The following CUL1 variants were observed in gnomAD, a reference collection of about 807,000 sequenced individuals.
CUL1 encodes the protein cullin-1.
Under a neutral mutation model 118.0 loss-of-function variants are expected in CUL1, and 24 were observed. The observed-to-expected ratio is 0.20, with a 90% CI of 0.15 to 0.29. The LOEUF is 0.29. Among genes scored for constraint, CUL1 ranks in the 10% least tolerant of loss-of-function variants. CUL1 has a pLI of 1.00. For missense variants in CUL1, 361 were observed against 933.8 expected (o/e 0.39, Z 7.99); for synonymous variants, 332 against 340.4 (o/e 0.98, Z 0.27).
At chr7:148,700,124 G>T (rs1364580073) in intron 1 of CUL1, among the ~76,000 whole-genome samples, 3 of 152,182 alleles carry the variant, frequency 2.0e-5, no homozygotes, top group Non-Finnish European at 2.9e-5. Flanking sequence ...CGTAGTAGGG[G>T]TTAGTGGTAA....
intron 12 of CUL1, 117 bp downstream of exon 12, chr7:148,786,716 G>A: frequency 1.1e-6 from 1 of 945,488 alleles, no homozygotes; most frequent in Non-Finnish European, 1.6e-6. Context: ...ATTTTATTTT[G>A]AATCTCTGGT....
rs573390783 is a variant in CUL1 at position 148,767,475 on chromosome 7, A to G, written c.953-144A>G. 2.8e-4 allele frequency: 199 copies of G among 699,680 alleles called. 4 individuals are homozygous for G. The South Asian group carries it at 3.3e-3, about 12-fold the overall frequency. The allele number at this position is 699,680 out of a possible 1,614,324, so 43.3% of individuals were successfully genotyped here. ...TATACCAAATAGAGAATATTTGGTT[A>G]TAATTAAATGCTATTGATTATTAAA... On this transcript the variant is annotated intron_variant, in intron 8 of 21. Coordinates refer to ENST00000325222, the MANE Select transcript of CUL1 (RefSeq NM_003592.3).
At chr7:148,772,414 C>CAA (rs761910647) in intron 9 of CUL1, among the ~76,000 whole-genome samples, 1 of 50,008 alleles carries the variant, frequency 2.0e-5, no homozygotes. Context: ...GACTCCGTCT[C>CAA]AAAAAAAAAA....
chr7:148,791,552 G>A (rs1380978028), intron 16 of CUL1, among the ~76,000 whole-genome samples: 1 of 152,202 alleles, frequency 6.6e-6, no homozygotes, highest in Non-Finnish European at 1.5e-5. Context: ...AGTTTTTGAC[G>A]GTGGAGGCTT....
At chr7:148,736,707 A>G (rs1563154487) in intron 2 of CUL1, among the ~76,000 whole-genome samples, 1 of 152,246 alleles carries the variant, frequency 6.6e-6, no homozygotes, top group Non-Finnish European at 1.5e-5. Flanking sequence ...GCTCTTCAGC[A>G]TATTTTAATA....
chr7:148,755,500 A>C (rs1378932730), intron 3 of CUL1, among the ~76,000 whole-genome samples: 1 of 152,250 alleles, frequency 6.6e-6, no homozygotes, highest in Non-Finnish European at 1.5e-5. Flanking sequence ...TTGGCTGGCC[A>C]TAAGTTGTGA....
At chr7:148,744,073 CTCTT>C (rs1352526988) in intron 2 of CUL1, among the ~76,000 whole-genome samples, 1 of 152,062 alleles carries the variant, frequency 6.6e-6, no homozygotes, top group Non-Finnish European at 1.5e-5. Context: ...CTTCTTTAAC[CTCTT>C]TCTATGCTTA....
At chr7:148,766,819 G>C (rs1433411197) in intron 8 of CUL1, 96 bp downstream of exon 8, 1 of 1,041,040 alleles carries the variant, frequency 9.6e-7, no homozygotes, top group African/African-American at 1.6e-5. Flanking sequence ...GGCATTACTT[G>C]CCCATGTCAG....
intron 15 of CUL1, 97 bp downstream of exon 15, chr7:148,789,923 C>T (rs1007955866): frequency 8.9e-7 from 1 of 1,118,884 alleles, no homozygotes; most frequent in African/African-American, 1.5e-5. Flanking sequence ...AGATGGCCTT[C>T]CTGCTGGCTG....
At chr7:148,770,232 C>T (rs568186843) in intron 9 of CUL1, among the ~76,000 whole-genome samples, 5 of 152,306 alleles carry the variant, frequency 3.3e-5, no homozygotes, top group South Asian at 4.1e-4. Flanking sequence ...TTACATTTTA[C>T]GAGAAATCAA....
At chr7:148,780,985 C>G (rs922697950) in intron 9 of CUL1, among the ~76,000 whole-genome samples, 1 of 151,356 alleles carries the variant, frequency 6.6e-6, no homozygotes, top group Non-Finnish European at 1.5e-5. Context: ...AATTCTCTCC[C>G]GTATATTATT....
intron 3 of CUL1, among the ~76,000 whole-genome samples, chr7:148,755,496 G>A (rs1799626216): frequency 6.6e-6 from 1 of 152,176 alleles, no homozygotes. Flanking sequence ...GTAGTTGGCT[G>A]GCCATAAGTT....
chr7:148,711,487 G>A (rs1020128168), intron 1 of CUL1, among the ~76,000 whole-genome samples: 3 of 152,194 alleles, frequency 2.0e-5, no homozygotes, highest in Non-Finnish European at 4.4e-5. Context: ...CTTCAGGAGA[G>A]CGGTTAAAGT....
chr7:148,713,192 C>G (rs979228292), intron 1 of CUL1, among the ~76,000 whole-genome samples: 1 of 152,136 alleles, frequency 6.6e-6, no homozygotes, highest in Non-Finnish European at 1.5e-5. Context: ...ACAAAATACA[C>G]GCAAGTACCA....
At chr7:148,745,553 G>A (rs552552490) in intron 2 of CUL1, among the ~76,000 whole-genome samples, 4 of 151,976 alleles carry the variant, frequency 2.6e-5, no homozygotes, top group Non-Finnish European at 5.9e-5. Context: ...TAGGTACTTC[G>A]GTACATTTAA....
rs192785977 is a variant in CUL1 at position 148,726,795 on chromosome 7, A to G, written c.-161-3167A>G. Among the ~76,000 whole-genome samples the G allele has an allele frequency of 8.6e-5, 13 of 151,948 alleles. No homozygotes were observed. In the East Asian group the frequency reaches 1.7e-3, roughly 20 times the overall value. The stretch of plus-strand genomic sequence containing the variant: ...ACAAATGCTTTTGGTACACAAATGC[A>G]TAGCACATAAAGTAACATGACGAAA... On this transcript the variant is annotated intron_variant, in intron 1 of 21. Transcript: ENST00000325222.
At chr7:148,699,354 C>T (rs916253354) in intron 1 of CUL1, among the ~76,000 whole-genome samples, 2 of 152,024 alleles carry the variant, frequency 1.3e-5, no homozygotes, top group African/African-American at 4.8e-5. Flanking sequence ...GTGGCGCCGG[C>T]CCCTTTCCCC....
chr7:148,743,045 G>T (rs1039904952), intron 2 of CUL1, among the ~76,000 whole-genome samples: 4 of 152,124 alleles, frequency 2.6e-5, no homozygotes, highest in African/African-American at 4.8e-5. Context: ...AATTATATAG[G>T]AAGATATTGT....
Position 148,747,188 on chromosome 7 carries a change from G to A in CUL1, c.141-6788G>A, listed in dbSNP as rs555335063. ...GAAGCTCCCATTTTGCTGCACTTTA[G>A]CTATCATTGGGTTTGTTTTTTTAAA... is the stretch of plus-strand genomic sequence containing the variant. On this transcript the variant is annotated intron_variant, in intron 2 of 21. Transcript: ENST00000325222. Among the ~76,000 whole-genome samples, 7 of 152,288 alleles carry A rather than the reference G, an allele frequency of 4.6e-5. No individual in the cohort carries two copies. The East Asian group carries it at 1.3e-3, about 29-fold the overall frequency.
Sources: gnomAD v4.1 joint callset for allele counts (sites outside exome capture counted in the v4.1 genomes callset) on GRCh38, gnomAD v4.1.1 for gene constraint, MANE v1.5 for transcripts, NCBI Gene and HGNC (gene_info 2026-07-23, HGNC 2026-07-21) for gene names.